LRRC63: variants seen among roughly 807,000 people sequenced by gnomAD.
LRRC63 encodes leucine rich repeat containing 63.
Under a neutral mutation model 49.5 loss-of-function variants are expected in LRRC63, and 40 were observed. The ratio of observed to expected loss-of-function variants is 0.81; its 90% confidence interval spans 0.63 to 1.05. The LOEUF is 1.05. Among genes scored for constraint, LRRC63 ranks in the 50% least tolerant of loss-of-function variants. The probability of loss-of-function intolerance (pLI) is 0.00; values close to 1 mark genes in which losing one functional copy is unlikely to be tolerated. For missense variants in LRRC63, 636 were observed against 663.1 expected, an observed-to-expected ratio of 0.96 and a Z score of 0.45; for synonymous variants, 191 against 221.1, an observed-to-expected ratio of 0.86 and a Z score of 1.21.
intron 7 of LRRC63, among the ~76,000 whole-genome samples, chr13:46,254,788 T>C (rs1407030295): frequency 2.0e-5 from 3 of 152,182 alleles, no homozygotes; most frequent in African/African-American, 7.2e-5. Context: ...CAAGGATTCA[T>C]GGTGACACGA....
At chr13:46,227,652 G>A (rs2046615172) in exon 3 of LRRC63, 2 of 1,550,196 alleles carry the variant, frequency 1.3e-6, no homozygotes, top group East Asian at 4.9e-5. Context: ...TATCTTTCTT[G>A]ATCACTGTGT....
chr13:46,228,524 G>A (rs549279973), intron 3 of LRRC63, 141 bp from the exon 4 acceptor site: 143 of 634,270 alleles, frequency 2.3e-4, no homozygotes, highest in Non-Finnish European at 3.8e-4. Flanking sequence ...GAATGCCAGT[G>A]CTGATAGACG....
intron 4 of LRRC63, among the ~76,000 whole-genome samples, chr13:46,233,237 C>T (rs984284115): frequency 1.3e-5 from 2 of 152,080 alleles, no homozygotes; most frequent in Non-Finnish European, 2.9e-5. Context: ...ACTCTGTGGG[C>T]TTAGAGCAGG....
chr13:46,237,917 G>T (rs987055458), intron 5 of LRRC63, among the ~76,000 whole-genome samples: 3 of 152,056 alleles, frequency 2.0e-5, no homozygotes, highest in Admixed American at 2.0e-4. Context: ...CCGAGCAGAT[G>T]TTTAATAAGT....
intron 7 of LRRC63, among the ~76,000 whole-genome samples, chr13:46,260,853 G>A (rs909735735): frequency 6.6e-6 from 1 of 152,156 alleles, no homozygotes; most frequent in African/African-American, 2.4e-5. Context: ...AGATCATGAG[G>A]ACCTTTATAT....
exon 7 of LRRC63, chr13:46,250,474 T>C: frequency 1.3e-6 from 2 of 1,534,666 alleles, no homozygotes; most frequent in Non-Finnish European, 1.8e-6. Context: ...TTAATTTAAT[T>C]ACTGTTCTTC....
intron 2 of LRRC63, among the ~76,000 whole-genome samples, chr13:46,214,019 G>A (rs2046173506): frequency 1.3e-5 from 2 of 152,148 alleles, no homozygotes; most frequent in Non-Finnish European, 2.9e-5. Context: ...TAAGTGCTAT[G>A]AAGTAAAGAT....
At position 46,256,620 on chromosome 13, in the gene LRRC63, C is replaced by T. The variant is rs185043832; in HGVS notation, c.1227-5289C>T. Among the ~76,000 whole-genome samples the T allele has an allele frequency of 2.6e-4, 39 of 152,272 alleles. 1 individual carries two copies. Among genetic ancestry groups the T allele is most frequent in the Admixed American group, 2.2e-3 (33 of 15,298 alleles). On this transcript the variant is annotated intron_variant, in intron 7 of 9. Transcript: ENST00000595396. ...ATAACTTATCCTATGCCTGTCTCAC[C>T]ATTGTATTTTGAGAGCAGATAACTT...
At chr13:46,239,922 G>A (rs1483797965) in intron 5 of LRRC63, among the ~76,000 whole-genome samples, 1 of 152,134 alleles carries the variant, frequency 6.6e-6, no homozygotes, top group East Asian at 1.9e-4. Flanking sequence ...CTCAATTGAT[G>A]CAGAAAAGGC....
intron 7 of LRRC63, among the ~76,000 whole-genome samples, chr13:46,259,439 G>T (rs2047579883): frequency 6.6e-6 from 1 of 152,124 alleles, no homozygotes; most frequent in African/African-American, 2.4e-5. Flanking sequence ...GGAGAAAAAT[G>T]ACATAGGAAA....
At chr13:46,257,232 C>G (rs1205448516) in intron 7 of LRRC63, among the ~76,000 whole-genome samples, 5 of 152,158 alleles carry the variant, frequency 3.3e-5, no homozygotes. Flanking sequence ...GGCCTCAGTT[C>G]TACAGCCGGA....
intron 2 of LRRC63, among the ~76,000 whole-genome samples, chr13:46,216,274 G>A (rs2046249018): frequency 6.6e-6 from 1 of 152,138 alleles, no homozygotes; most frequent in African/African-American, 2.4e-5. Flanking sequence ...CCATTTGTTT[G>A]TGTCCTCTCT....
intron 8 of LRRC63, among the ~76,000 whole-genome samples, chr13:46,264,559 G>T (rs1033955771): frequency 1.3e-5 from 2 of 151,948 alleles, no homozygotes; most frequent in African/African-American, 4.8e-5. Context: ...TACACATCAT[G>T]CATTTTGGTT....
intron 2 of LRRC63, among the ~76,000 whole-genome samples, chr13:46,214,623 T>A (rs1348543434): frequency 6.6e-6 from 1 of 151,546 alleles, no homozygotes; most frequent in Non-Finnish European, 1.5e-5. Context: ...TAGTAGGTGA[T>A]CAAAATTTGT....
rs555599369 is a variant in LRRC63, at chr13:46,276,440, G to A, written c.1551-150G>A. 91 of 393,050 alleles carry A rather than the reference G, an allele frequency of 2.3e-4. No individual in the cohort carries two copies. In the Middle Eastern group the frequency reaches 4.6e-3, roughly 20 times the overall value. The allele number at this position is 393,050 out of a possible 1,614,324, so 24.3% of individuals were successfully genotyped here. ...TACTTTATTGTTCAGCTTTTTTAGC[G>A]TTTAGTCTTTCACTTAATGGGTAGC... On this transcript the variant is annotated intron_variant, in intron 9 of 9. Coordinates refer to ENST00000595396, the Ensembl canonical transcript of LRRC63.
intron 9 of LRRC63, 149 bp downstream of exon 9, chr13:46,267,121 A>C: frequency 1.3e-6 from 1 of 756,788 alleles, no homozygotes; most frequent in South Asian, 2.2e-5. Context: ...AAATCGCTCC[A>C]TCCAGTTCTT....
intron 7 of LRRC63, among the ~76,000 whole-genome samples, chr13:46,258,400 A>T (rs1251549029): frequency 6.7e-6 from 1 of 149,352 alleles, no homozygotes; most frequent in Non-Finnish European, 1.5e-5. Context: ...AAGTGCTGGG[A>T]TTACAGGCGT....
intron 7 of LRRC63, among the ~76,000 whole-genome samples, chr13:46,252,267 T>C (rs2047403223): frequency 6.6e-6 from 1 of 152,016 alleles, no homozygotes; most frequent in Non-Finnish European, 1.5e-5. Context: ...TCTACCTTGC[T>C]GAGCAAAGAA....
chr13:46,275,024 A>G (rs184955994), intron 9 of LRRC63, among the ~76,000 whole-genome samples: 206 of 151,862 alleles, frequency 1.4e-3, no homozygotes, highest in African/African-American at 4.7e-3. Flanking sequence ...AATAACCACA[A>G]TTCTACTCTC....
Sources: gnomAD v4.1 joint callset for allele counts (sites outside exome capture counted in the v4.1 genomes callset) on GRCh38, gnomAD v4.1.1 for gene constraint, MANE v1.5 for transcripts, NCBI Gene and HGNC (gene_info 2026-07-23, HGNC 2026-07-21) for gene names.